MAML3: variants seen among roughly 807,000 people sequenced by gnomAD.
The protein encoded by MAML3 is mastermind-like protein 3.
In MAML3, 27 loss-of-function variants were observed where a neutral mutation model predicts 101.9. The observed-to-expected ratio is 0.27, with a 90% CI of 0.20 to 0.37. MAML3 has a LOEUF of 0.37. Among genes scored for constraint, MAML3 ranks in the 10% least tolerant of loss-of-function variants. MAML3 has a pLI of 1.00. For missense variants in MAML3, 1,316 were observed against 1,444.9 expected (o/e 0.91, Z 1.45); for synonymous variants, 501 against 555.9 (o/e 0.90, Z 1.39).
intron 1 of MAML3, among the ~76,000 whole-genome samples, chr4:139,999,918 G>C (rs1269662344): frequency 1.3e-5 from 2 of 152,158 alleles, no homozygotes; most frequent in African/African-American, 4.8e-5. Flanking sequence ...AGGTACATTT[G>C]GGGAAGAAAT....
chr4:139,792,752 T>C (rs551727004), intron 2 of MAML3, among the ~76,000 whole-genome samples: 37 of 151,426 alleles, frequency 2.4e-4, no homozygotes, highest in Admixed American at 2.1e-3. Flanking sequence ...TTCTTTCTTT[T>C]TTTTTTTTTT....
intron 1 of MAML3, among the ~76,000 whole-genome samples, chr4:139,943,864 C>CTTTTTTTTTTTTTTTTTTTTTG (rs1733652977): frequency 1.5e-5 from 1 of 65,824 alleles, no homozygotes; most frequent in Non-Finnish European, 2.8e-5. Flanking sequence ...CTAAAGACAA[C>CTTTTTTTTTTTTTTTTTTTTTG]TTTTTTTTTT....
At chr4:139,829,655 A>T (rs1456009488) in intron 2 of MAML3, among the ~76,000 whole-genome samples, 2 of 152,238 alleles carry the variant, frequency 1.3e-5, no homozygotes, top group East Asian at 3.8e-4. Context: ...CCAGTTCAGG[A>T]AAGTATTAAT....
At chr4:139,954,732 C>T (rs1375444342) in intron 1 of MAML3, among the ~76,000 whole-genome samples, 1 of 152,150 alleles carries the variant, frequency 6.6e-6, no homozygotes, top group African/African-American at 2.4e-5. Flanking sequence ...ATTGCCCAGG[C>T]TGGTCTCAAA....
chr4:139,961,031 G>A (rs535466493), intron 1 of MAML3, among the ~76,000 whole-genome samples: 16 of 152,250 alleles, frequency 1.1e-4, no homozygotes, highest in African/African-American at 3.6e-4. Context: ...ATGTGCTTAC[G>A]TCACTGGTTC....
At chr4:139,791,502 CAA>C (rs534133306) in intron 2 of MAML3, among the ~76,000 whole-genome samples, 20,221 of 94,268 alleles carry the variant, frequency 0.21, 1,157 homozygotes, top group East Asian at 0.27. Flanking sequence ...GACTCCATCT[CAA>C]AAAAAAAAAA....
chr4:139,929,273 T>C (rs1733330875), intron 1 of MAML3, among the ~76,000 whole-genome samples: 1 of 152,190 alleles, frequency 6.6e-6, no homozygotes, highest in African/African-American at 2.4e-5. Context: ...AGGAGAAAAC[T>C]ACACTAAAAA....
rs1208817506 is a variant in MAML3 at position 139,951,733 on chromosome 4, T to TC, written c.469-60767dup. ...CTTTACATTGCTAATTTGTTTTTGT[T>TC]CTTTTTTTTTTTTTGTCTCCAGTAG... On this transcript the variant is annotated intron_variant, in intron 1 of 4. Coordinates refer to ENST00000509479, the MANE Select transcript of MAML3 (RefSeq NM_018717.5). 9.4e-5 allele frequency among the ~76,000 whole-genome samples: 14 copies of TC among 148,852 alleles called. No individual in the cohort carries two copies. The East Asian group carries it at 2.3e-3, about 25-fold the overall frequency.
At chr4:139,759,497 A>G (rs1729712704) in intron 2 of MAML3, among the ~76,000 whole-genome samples, 1 of 152,160 alleles carries the variant, frequency 6.6e-6, no homozygotes, top group African/African-American at 2.4e-5. Context: ...TCTAGCTGCT[A>G]TTAGGCTGTA....
intron 1 of MAML3, among the ~76,000 whole-genome samples, chr4:140,122,448 C>T (rs567318299): frequency 5.3e-5 from 8 of 152,042 alleles, no homozygotes; most frequent in Admixed American, 6.5e-5. Flanking sequence ...TATGGAACTC[C>T]TGACCTCAAG....
At position 140,153,497 on chromosome 4, in the gene MAML3, T is replaced by G; in HGVS notation, c.-170A>C. 2.8e-6 allele frequency: 2 copies of G among 726,540 alleles called. No homozygotes were observed. Among genetic ancestry groups the G allele is most frequent in the South Asian group, 2.4e-5 (1 of 41,686 alleles). The allele number at this position is 726,540 out of a possible 1,614,324, so 45.0% of individuals were successfully genotyped here. On this transcript the variant is annotated 5_prime_UTR_variant, in exon 1 of 5. Transcript: ENST00000509479. ...GCGAAAAAAACGGGGGGGGAGATTTTGGGGTGGTTTTTGTTTCCTTTTTTT... is the reference window on the plus strand; with the variant it reads ...GCGAAAAAAACGGGGGGGGAGATTTGGGGGTGGTTTTTGTTTCCTTTTTTT...
chr4:139,814,384 A>C (rs981773302), intron 2 of MAML3, among the ~76,000 whole-genome samples: 2 of 152,196 alleles, frequency 1.3e-5, no homozygotes, highest in African/African-American at 4.8e-5. Context: ...TAGCTGGCTA[A>C]AGATACTGAC....
chr4:139,725,221 C>G lies in MAML3; in HGVS notation c.2416+530G>C, dbSNP rs746465601. Among the ~76,000 whole-genome samples the G allele has an allele frequency of 6.8e-4, 104 of 152,268 alleles. 1 individual carries two copies. Among genetic ancestry groups the G allele is most frequent in the Non-Finnish European group, 5.6e-4 (38 of 68,022 alleles). On this transcript the variant is annotated intron_variant, in intron 4 of 4. Coordinates refer to ENST00000509479, the MANE Select transcript of MAML3 (RefSeq NM_018717.5). ...GATCAGTTCAATCAGCCTCAAGGCC[C>G]TATTTGTCTTCTACATTCAAAAGAG...
At chr4:139,859,553 T>C (rs77215351) in intron 2 of MAML3, among the ~76,000 whole-genome samples, 479 of 152,256 alleles carry the variant, frequency 3.1e-3, no homozygotes, top group African/African-American at 0.011. Context: ...CTTCATATAG[T>C]ATACCTATTA....
At chr4:140,063,700 A>G (rs929962368) in intron 1 of MAML3, among the ~76,000 whole-genome samples, 2 of 152,134 alleles carry the variant, frequency 1.3e-5, no homozygotes, top group Non-Finnish European at 2.9e-5. Flanking sequence ...CCAGCAGAAG[A>G]CTGAAATACT....
At chr4:140,036,178 AT>A (rs987272333) in intron 1 of MAML3, among the ~76,000 whole-genome samples, 1 of 152,196 alleles carries the variant, frequency 6.6e-6, no homozygotes, top group African/African-American at 2.4e-5. Context: ...AGTGTGTGTG[AT>A]TTCTAATACA....
intron 1 of MAML3, among the ~76,000 whole-genome samples, chr4:140,102,000 T>C (rs1346215708): frequency 2.6e-5 from 4 of 152,194 alleles, no homozygotes; most frequent in Non-Finnish European, 5.9e-5. Flanking sequence ...GCCATAAGTT[T>C]GTGTCTTCTA....
chr4:140,124,041 T>C (rs1489277462), intron 1 of MAML3, among the ~76,000 whole-genome samples: 1 of 152,230 alleles, frequency 6.6e-6, no homozygotes, highest in East Asian at 1.9e-4. Context: ...AGTTCTCCCC[T>C]AGAATTTCCA....
intron 1 of MAML3, among the ~76,000 whole-genome samples, chr4:140,067,672 C>G (rs896355619): frequency 6.6e-6 from 1 of 151,230 alleles, no homozygotes; most frequent in Non-Finnish European, 1.5e-5. Flanking sequence ...ACATTTAAAG[C>G]TTTCAAACAT....
Sources: allele counts gnomAD v4.1 joint callset (sites outside exome capture counted in the v4.1 genomes callset), GRCh38; gene constraint gnomAD v4.1.1; transcripts MANE v1.5; gene names NCBI Gene and HGNC (gene_info 2026-07-23, HGNC 2026-07-21).